The following ZNF334 variants were observed in gnomAD, a reference collection of about 807,000 sequenced individuals.
ZNF334 encodes zinc finger protein 334.
A neutral mutation model predicts 12.4 loss-of-function variants in ZNF334; 14 were observed. The ratio of observed to expected loss-of-function variants is 1.13; its 90% confidence interval spans 0.74 to 1.76. The LOEUF (loss-of-function observed/expected upper bound fraction) is 1.76, where lower values mean the gene tolerates loss of function less well. Ranked by LOEUF, ZNF334 falls within the 40% of genes most tolerant of loss-of-function variation. The pLI, the probability that ZNF334 is intolerant of heterozygous loss-of-function variation, is 0.00. For missense variants in ZNF334, 797 were observed against 804.5 expected (o/e 0.99, Z 0.11); for synonymous variants, 273 against 269.6 (o/e 1.01, Z -0.12).
the ZNF334 span, among the ~76,000 whole-genome samples, chr20:46,487,657 C>A: frequency 6.6e-6 from 1 of 152,166 alleles, no homozygotes; most frequent in Non-Finnish European, 1.5e-5. Context: ...ATGAAATAAA[C>A]TTCTTTATCC....
chr20:46,490,422 G>A, the ZNF334 span, among the ~76,000 whole-genome samples: 32 of 152,178 alleles, frequency 2.1e-4, 1 homozygote, highest in African/African-American at 7.7e-4. Flanking sequence ...TATTTAAAGT[G>A]TAATCACTTT....
the ZNF334 span, among the ~76,000 whole-genome samples, chr20:46,478,838 T>A: frequency 6.6e-6 from 1 of 152,196 alleles, no homozygotes; most frequent in Non-Finnish European, 1.5e-5. Context: ...TTCACCCCGT[T>A]GGGTCTTTGG....
At chr20:46,469,778 G>A in the ZNF334 span, among the ~76,000 whole-genome samples, 1 of 152,066 alleles carries the variant, frequency 6.6e-6, no homozygotes, top group Non-Finnish European at 1.5e-5. Context: ...TGGGTTCACA[G>A]GGACACCTGC....
the ZNF334 span, among the ~76,000 whole-genome samples, chr20:46,484,284 A>T: frequency 6.6e-6 from 1 of 152,158 alleles, no homozygotes; most frequent in Admixed American, 6.5e-5. Context: ...TGTCTTCCTA[A>T]ACTCTACAAG....
chr20:46,471,431 T>C, the ZNF334 span, among the ~76,000 whole-genome samples: 1 of 152,214 alleles, frequency 6.6e-6, no homozygotes, highest in South Asian at 2.1e-4. Context: ...TTTAATGGTG[T>C]CTTTTGAGGA....
chr20:46,464,101 G>T, the ZNF334 span: 1 of 600,482 alleles, frequency 1.7e-6, no homozygotes. Flanking sequence ...CCTTCACTGG[G>T]CCCAGTATCT....
At chr20:46,512,201 A>G in intron 1 of ZNF334, 61 bp from the exon 2 acceptor site, 2 of 1,273,478 alleles carry the variant, frequency 1.6e-6, no homozygotes, top group Non-Finnish European at 2.3e-6. Context: ...GCAGCTCTAC[A>G]ATTACCTACA....
intron 3 of ZNF334, 48 bp downstream of exon 3, chr20:46,504,566 C>T (rs1353629101): frequency 6.5e-7 from 1 of 1,540,782 alleles, no homozygotes; most frequent in African/African-American, 1.4e-5. Context: ...TTTTGTAACA[C>T]AGAAGAAATG....
chr20:46,488,630 G>A, the ZNF334 span, among the ~76,000 whole-genome samples: 1 of 150,976 alleles, frequency 6.6e-6, no homozygotes, highest in East Asian at 1.9e-4. Context: ...CTTGGTGTAG[G>A]GCCAAATTCC....
the ZNF334 span, among the ~76,000 whole-genome samples, chr20:46,480,356 A>G: frequency 6.6e-6 from 1 of 152,090 alleles, no homozygotes; most frequent in Non-Finnish European, 1.5e-5. Flanking sequence ...GGATTCCCCC[A>G]TGTCACTGAT....
At position 46,502,857 on chromosome 20, in the gene ZNF334, A is replaced by C. The variant is rs1568861703; in HGVS notation, c.482T>G (p.Ile161Ser). The stretch of plus-strand genomic sequence containing the variant: ...CCCAAATCCACTGTATCCATCAGGA[A>C]TCTTTCTGTTTTCTTTGCTTTTCTT... ...VAKKSKENRK[I>S]PDGYSGFGKH... The change falls in exon 5 of 5, where the codon ATT (isoleucine) becomes AGT (serine). Residue 161 changes from isoleucine (I) to serine (S), a missense_variant. Coordinates refer to ENST00000692313, the MANE Select transcript of ZNF334 (RefSeq NM_001353824.2). 6 of 1,613,764 alleles carry C rather than the reference A, an allele frequency of 3.7e-6. No individual in the cohort carries two copies. In the South Asian group the frequency reaches 5.5e-5, roughly 15 times the overall value.
At chr20:46,477,550 T>C in the ZNF334 span, among the ~76,000 whole-genome samples, 110 of 152,326 alleles carry the variant, frequency 7.2e-4, 1 homozygote, top group Admixed American at 6.7e-3. Flanking sequence ...TTGCCCAGGA[T>C]GGTCTCAGAC....
At chr20:46,464,403 C>T in the ZNF334 span, 7 of 501,360 alleles carry the variant, frequency 1.4e-5, no homozygotes, top group Non-Finnish European at 2.4e-5. Context: ...AGACAGTAGG[C>T]GTGGCTGCAG....
At chr20:46,498,261 G>C (rs2061058048), downstream of ZNF334, among the ~76,000 whole-genome samples, 1 of 152,164 alleles carries the variant, frequency 6.6e-6, no homozygotes, top group African/African-American at 2.4e-5. Flanking sequence ...ACATATCAAG[G>C]TTGGTCTGTG....
rs777286262 is a variant in ZNF334 at position 46,502,582 on chromosome 20, T to C, written c.757A>G (p.Ile253Val). Reference sequence around the variant, plus strand: ...CCTGTATGAATTCTCTGATGTACAATGAGGGTAGATCTCTTAGAAAAGGTT... The same window carrying C: ...CCTGTATGAATTCTCTGATGTACAACGAGGGTAGATCTCTTAGAAAAGGTT... ...RKTFSKRSTLIVHQRIHTGEK... is the reference protein window; with the variant it reads ...RKTFSKRSTLVVHQRIHTGEK... Residue 253 changes from isoleucine to valine, a missense_variant, in exon 5 of 5, where the codon ATT becomes GTT. By Grantham distance (29) the Ile-to-Val change is conservative. Transcript: ENST00000692313. 5 of 1,613,830 alleles carry C rather than the reference T, an allele frequency of 3.1e-6. No individual in the cohort carries two copies. The African/African-American group carries it at 5.3e-5, about 17-fold the overall frequency.
chr20:46,482,628 TAC>T, the ZNF334 span, among the ~76,000 whole-genome samples: 120 of 152,084 alleles, frequency 7.9e-4, no homozygotes, highest in Non-Finnish European at 1.4e-3. Context: ...TTTAGTTTTT[TAC>T]ACAATAGATC....
chr20:46,505,341 A>G (rs928201049), intron 2 of ZNF334: 4 of 152,376 alleles, frequency 2.6e-5, no homozygotes, highest in African/African-American at 7.2e-5. Context: ...AGTACGGCAC[A>G]TCAGTAAAAC....
In ZNF334 at chr20:46,503,011, T is replaced by A; in HGVS notation, c.328A>T (p.Thr110Ser). 1 of 1,613,940 alleles carries A rather than the reference T, an allele frequency of 6.2e-7. No individual in the cohort carries two copies. Among genetic ancestry groups the A allele is most frequent in the Non-Finnish European group, 8.5e-7 (1 of 1,179,924 alleles). The change falls in exon 5 of 5, where the codon ACA (threonine) becomes TCA (serine). Residue 110 changes from threonine (T) to serine (S), a missense_variant. By Grantham distance (58) the Thr-to-Ser change is moderately conservative. Coordinates refer to ENST00000692313, the MANE Select transcript of ZNF334 (RefSeq NM_001353824.2). ...TTCCCAAATACATTCTCTCTTTCTG[T>A]AATCAGTGTTTTGTTGCTGAAGAAT... ...TVFFSNKTLI[T>S]ERENVFGKTL...
the ZNF334 span, among the ~76,000 whole-genome samples, chr20:46,490,566 C>A: frequency 2.0e-5 from 3 of 152,140 alleles, no homozygotes; most frequent in Non-Finnish European, 4.4e-5. Flanking sequence ...AAATTTCATT[C>A]AGCCATTTTT....
Sources: gnomAD v4.1 joint callset for allele counts (sites outside exome capture counted in the v4.1 genomes callset) on GRCh38, gnomAD v4.1.1 for gene constraint, MANE v1.5 for transcripts, NCBI Gene and HGNC (gene_info 2026-07-23, HGNC 2026-07-21) for gene names.